Variants in SMARCAD1 observed in about 807,000 individuals in gnomAD.
The protein encoded by SMARCAD1 is SNF2 related chromatin remodeling ATPase with DExD box 1, also known as SWI/SNF-related matrix-associated actin-dependent regulator of chromatin subfamily A containing DEAD/H box 1.
SMARCAD1 carries 25 observed loss-of-function variants against 127.1 expected under a neutral mutation model. The ratio of observed to expected loss-of-function variants is 0.20; its 90% CI spans 0.14 to 0.27. The LOEUF is 0.27. Among genes scored for constraint, SMARCAD1 ranks in the 10% least tolerant of loss-of-function variants. The pLI is 1.00. For missense variants in SMARCAD1, 807 were observed against 1,206.0 expected (o/e 0.67, Z 4.90); for synonymous variants, 400 against 396.9 (o/e 1.01, Z -0.09).
chr4:94,259,041 G>A (rs759160252), intron 9 of SMARCAD1, among the ~76,000 whole-genome samples: 1 of 151,960 alleles, frequency 6.6e-6, no homozygotes, highest in South Asian at 2.1e-4. Flanking sequence ...CTGGGCTTAT[G>A]GGCACATTAC....
rs147374814 is a variant in SMARCAD1, at chr4:94,237,548, T to C, written c.604+530T>C. 6.7e-3 allele frequency among the ~76,000 whole-genome samples: 1,013 copies of C among 152,026 alleles called. 6 individuals are homozygous for C. Among genetic ancestry groups the C allele is most frequent in the Middle Eastern group, 0.054 (16 of 294 alleles). On this transcript the variant is annotated intron_variant, in intron 5 of 23. Coordinates refer to ENST00000354268, the MANE Select transcript of SMARCAD1 (RefSeq NM_020159.5). ...CTGACCCTACTACTAAAAAAGTATT[T>C]AAATAGTGAAAGCAAACCCACACTT... is the stretch of plus-strand genomic sequence containing the variant.
chr4:94,275,102 A>G, intron 14 of SMARCAD1, 137 bp downstream of exon 14: 1 of 713,394 alleles, frequency 1.4e-6, no homozygotes. Context: ...AATGTTGAGG[A>G]TTCAGGCATT....
chr4:94,237,061 G>A (rs201332614), intron 5 of SMARCAD1, 43 bp downstream of exon 5: 88 of 1,454,656 alleles, frequency 6.0e-5, no homozygotes, highest in Admixed American at 1.5e-4. Flanking sequence ...TTATTGTTAC[G>A]TCATAATAAT....
chr4:94,258,888 C>T (rs1300718081), intron 9 of SMARCAD1, among the ~76,000 whole-genome samples: 1 of 152,172 alleles, frequency 6.6e-6, no homozygotes, highest in Non-Finnish European at 1.5e-5. Context: ...TAATGAAATG[C>T]CAAGAAACTA....
chr4:94,263,704 T>C (rs1007116530), intron 9 of SMARCAD1, among the ~76,000 whole-genome samples: 1 of 152,010 alleles, frequency 6.6e-6, no homozygotes, highest in Admixed American at 6.6e-5. Flanking sequence ...AATGTGATTC[T>C]TGTCATAACT....
intron 3 of SMARCAD1, among the ~76,000 whole-genome samples, chr4:94,227,652 T>C (rs1377106300): frequency 6.6e-6 from 1 of 152,178 alleles, no homozygotes; most frequent in Admixed American, 6.5e-5. Flanking sequence ...TAAAGGTGAC[T>C]GTTTCTGCTG....
At chr4:94,233,258 T>C (rs1746127923) in intron 3 of SMARCAD1, among the ~76,000 whole-genome samples, 1 of 152,220 alleles carries the variant, frequency 6.6e-6, no homozygotes, top group Non-Finnish European at 1.5e-5. Flanking sequence ...ACTGTTCTAG[T>C]TCTGATCTCT....
intron 6 of SMARCAD1, among the ~76,000 whole-genome samples, chr4:94,242,533 T>C (rs578241532): frequency 5.9e-5 from 9 of 152,294 alleles, no homozygotes; most frequent in Admixed American, 5.2e-4. Flanking sequence ...TACACAGGGC[T>C]ACTCTCTGAG....
intron 23 of SMARCAD1, among the ~76,000 whole-genome samples, chr4:94,287,916 A>T (rs1439767281): frequency 6.6e-6 from 1 of 152,032 alleles, no homozygotes; most frequent in Non-Finnish European, 1.5e-5. Context: ...ACTTGGGGAG[A>T]CAGGCGGGAG....
intron 6 of SMARCAD1, among the ~76,000 whole-genome samples, chr4:94,247,016 C>G (rs879944696): frequency 5.3e-5 from 8 of 152,160 alleles, no homozygotes; most frequent in African/African-American, 1.9e-4. Flanking sequence ...TAAATACTTG[C>G]AAGACTCATC....
At chr4:94,261,761 C>T (rs1051985372) in intron 9 of SMARCAD1, among the ~76,000 whole-genome samples, 5 of 152,118 alleles carry the variant, frequency 3.3e-5, no homozygotes, top group African/African-American at 9.7e-5. Context: ...AGGCACGTGC[C>T]ACCACACCGG....
intron 2 of SMARCAD1, 136 bp downstream of exon 2, chr4:94,208,720 C>A: frequency 1.2e-6 from 1 of 851,262 alleles, no homozygotes. Flanking sequence ...TTAAATACAG[C>A]TTTGGGACTG....
At chr4:94,259,846 T>C (rs563527551) in intron 9 of SMARCAD1, among the ~76,000 whole-genome samples, 1 of 152,330 alleles carries the variant, frequency 6.6e-6, no homozygotes, top group Non-Finnish European at 1.5e-5. Flanking sequence ...CATTCTTATA[T>C]CTAATAAAAA....
At chr4:94,284,547 GC>G (rs962209793) in intron 22 of SMARCAD1, among the ~76,000 whole-genome samples, 17 of 148,490 alleles carry the variant, frequency 1.1e-4, no homozygotes, top group African/African-American at 4.0e-4. Context: ...ACAGGTGTGT[GC>G]CACCACACCC....
chr4:94,258,646 A>G (rs903638112), intron 9 of SMARCAD1, among the ~76,000 whole-genome samples: 2 of 152,186 alleles, frequency 1.3e-5, no homozygotes, highest in Non-Finnish European at 2.9e-5. Flanking sequence ...GTAAGTGCAT[A>G]CTAGGTGATA....
chr4:94,284,278 G>A (rs536468050), intron 22 of SMARCAD1, among the ~76,000 whole-genome samples: 12 of 120,290 alleles, frequency 1.0e-4, no homozygotes, highest in Non-Finnish European at 1.4e-4. Flanking sequence ...AGTGAGCCGC[G>A]ATCGCACCAC....
At chr4:94,275,586 C>T (rs1236572720) in intron 14 of SMARCAD1, among the ~76,000 whole-genome samples, 1 of 152,050 alleles carries the variant, frequency 6.6e-6, no homozygotes. Flanking sequence ...TATGCAGTCT[C>T]AAGCTGCTAG....
At chr4:94,235,328 A>G (rs1746481895) in intron 4 of SMARCAD1, among the ~76,000 whole-genome samples, 1 of 139,604 alleles carries the variant, frequency 7.2e-6, no homozygotes, top group African/African-American at 2.7e-5. Flanking sequence ...GCTTTCACCT[A>G]GTGGAAAAGA....
intron 20 of SMARCAD1, 68 bp from the exon 21 acceptor site, chr4:94,281,404 A>C: frequency 9.5e-7 from 1 of 1,056,178 alleles, no homozygotes; most frequent in Admixed American, 1.7e-5. Flanking sequence ...CTAACTGTTT[A>C]AACCTGTCAA....
Sources: allele counts gnomAD v4.1 joint callset (sites outside exome capture counted in the v4.1 genomes callset), GRCh38; gene constraint gnomAD v4.1.1; transcripts MANE v1.5; gene names NCBI Gene and HGNC (gene_info 2026-07-23, HGNC 2026-07-21).